TCOF1: variants seen among roughly 807,000 people sequenced by gnomAD.
The protein encoded by TCOF1 is treacle protein.
A neutral mutation model predicts 149.0 loss-of-function variants in TCOF1; 33 were observed. That is an observed-to-expected ratio of 0.22 (90% CI 0.17 to 0.30). The LOEUF (loss-of-function observed/expected upper bound fraction) is 0.30. Ranked by LOEUF, TCOF1 falls within the 10% of genes least tolerant of loss-of-function variation. TCOF1 has a pLI of 1.00. For missense variants in TCOF1, 1,728 were observed against 1,840.7 expected, an observed-to-expected ratio of 0.94 and a Z score of 1.12; for synonymous variants, 789 against 738.8, an observed-to-expected ratio of 1.07 and a Z score of -1.10.
chr5:150,369,375 A>C (rs1366998374), intron 5 of TCOF1, among the ~76,000 whole-genome samples, 154 bp from the exon 6 acceptor site: 1 of 152,166 alleles, frequency 6.6e-6, no homozygotes, highest in African/African-American at 2.4e-5. Flanking sequence ...CCCACCTCAG[A>C]AGGGGGCTTC....
chr5:150,387,842 C>T (rs565363131), intron 17 of TCOF1, 60 bp from the exon 18 acceptor site: 2 of 1,610,472 alleles, frequency 1.2e-6, no homozygotes, highest in African/African-American at 1.3e-5. Flanking sequence ...AACCCCATCA[C>T]CTCCTTTCCC....
At chr5:150,363,992 T>C in intron 2 of TCOF1, 121 bp from the exon 3 acceptor site, 3 of 1,446,722 alleles carry the variant, frequency 2.1e-6, no homozygotes, top group Middle Eastern at 4.3e-4. Context: ...TTTTCACCAC[T>C]GTTTAGATTC....
At chr5:150,391,215 AT>A in intron 19 of TCOF1, among the ~76,000 whole-genome samples, 1 of 152,158 alleles carries the variant, frequency 6.6e-6, no homozygotes, top group Non-Finnish European at 1.5e-5. Flanking sequence ...GTCATGCCCA[AT>A]TTCCATGCCC....
chr5:150,371,248 C>T (rs1250477396), intron 6 of TCOF1, among the ~76,000 whole-genome samples: 1 of 152,100 alleles, frequency 6.6e-6, no homozygotes, highest in Non-Finnish European at 1.5e-5. Flanking sequence ...CCCCATCTAC[C>T]CCAGGCCTTA....
chr5:150,384,688 G>T, intron 17 of TCOF1: 1 of 985,448 alleles, frequency 1.0e-6, no homozygotes, highest in Non-Finnish European at 1.2e-6. Context: ...TATTTAAAAA[G>T]CAGAAAAGAA....
intron 3 of TCOF1, among the ~76,000 whole-genome samples, chr5:150,365,671 T>G (rs559380253): frequency 3.3e-4 from 50 of 152,266 alleles, no homozygotes; most frequent in Non-Finnish European, 5.9e-4. Flanking sequence ...TTATAAGCTG[T>G]GATAATGGAG....
chr5:150,399,544 T>C (rs1224120360), intron 26 of TCOF1, among the ~76,000 whole-genome samples: 2 of 152,012 alleles, frequency 1.3e-5, no homozygotes, highest in Non-Finnish European at 2.9e-5. Context: ...AGTTAGCTGC[T>C]CCACCTGGCT....
At position 150,379,216 on chromosome 5, in the gene TCOF1, C is replaced by T; in HGVS notation, c.2479-13C>T. On this transcript the variant is annotated splice_polypyrimidine_tract_variant and intron_variant, in intron 15 of 26. Coordinates refer to ENST00000643257, the MANE Select transcript of TCOF1 (RefSeq NM_001371623.1). ...ACTTTTGCCTCCAATACTATTATCC[C>T]CCTGCAATTCAGGTGAAGCCACCAG... 2 of 1,614,190 alleles carry T rather than the reference C, an allele frequency of 1.2e-6. No homozygotes were observed. Among genetic ancestry groups the T allele is most frequent in the Non-Finnish European group, 1.7e-6 (2 of 1,180,032 alleles).
At chr5:150,395,541 T>G (rs999350785) in intron 23 of TCOF1, among the ~76,000 whole-genome samples, 6 of 151,792 alleles carry the variant, frequency 4.0e-5, no homozygotes, top group African/African-American at 1.2e-4. Flanking sequence ...TGGAAGGTTT[T>G]TTTTTTTTTA....
At chr5:150,375,964 G>A (rs1763696305) in intron 12 of TCOF1, 55 bp downstream of exon 12, 7 of 1,613,952 alleles carry the variant, frequency 4.3e-6, no homozygotes, top group Non-Finnish European at 5.9e-6. Flanking sequence ...ACCACAGTCA[G>A]CACCCCCGGG....
chr5:150,365,648 G>A (rs942485664), intron 3 of TCOF1, among the ~76,000 whole-genome samples: 2 of 151,920 alleles, frequency 1.3e-5, no homozygotes, highest in African/African-American at 2.4e-5. Context: ...TGGCTATTTG[G>A]TATTAATCAA....
chr5:150,375,419 A>G lies in TCOF1; in HGVS notation c.1569A>G (p.Pro523=), dbSNP rs1219790675. The G allele has an allele frequency of 1.1e-5, 17 of 1,613,402 alleles. No homozygotes were observed. Among genetic ancestry groups the G allele is most frequent in the Non-Finnish European group, 1.4e-5 (17 of 1,179,834 alleles). The change falls in exon 11 of 27, where the codon CCA becomes CCG. Residue 523 remains proline (P), a synonymous_variant. Transcript: ENST00000643257. ...GGCCCTTGGGGAAAGGCGCCGGCCC[A>G]GTGCCACCCGGGAAGGTGGGGCCTG... is the stretch of plus-strand genomic sequence containing the variant. ...GMGPLGKGAG[P]VPPGKVGPAT...
In TCOF1 at chr5:150,375,486, G is replaced by C. The variant is rs375311798; in HGVS notation, c.1636G>C (p.Glu546Gln). 4.3e-6 allele frequency: 7 copies of C among 1,614,068 alleles called. No homozygotes were observed. In the African/African-American group the frequency reaches 8.0e-5, roughly 18 times the overall value. The change falls in exon 11 of 27, where the codon GAG (glutamate) becomes CAG (glutamine). Residue 546 changes from glutamate (E) to glutamine (Q), a missense_variant. Physicochemically the swap from Glu to Gln is conservative, Grantham distance 29. Transcript: ENST00000643257. Reference protein sequence around the residue: ...AQVGKWEEDSESSSEESSDSS... With the variant: ...AQVGKWEEDSQSSSEESSDSS... ...GGTGGGGAAGTGGGAGGAGGACTCAGAGAGCAGTAGTGAGGAGTCATCAGA... is the reference window on the plus strand; with the variant it reads ...GGTGGGGAAGTGGGAGGAGGACTCACAGAGCAGTAGTGAGGAGTCATCAGA...
chr5:150,391,636 C>T lies in TCOF1; in HGVS notation c.3276C>T (p.Ala1092=). The T allele has an allele frequency of 6.2e-7, 1 of 1,614,036 alleles. No individual in the cohort carries two copies. Residue 1092 remains alanine, a synonymous_variant, in exon 20 of 27, where the codon GCC becomes GCT. Coordinates refer to ENST00000643257, the MANE Select transcript of TCOF1 (RefSeq NM_001371623.1). ...QKASEAQPPV[A]RTQPSSGVDS... ...CCAGTGAGGCTCAGCCTCCTGTTGC[C>T]AGGACCCAGCCTTCAAGTGGGGTGA... is the stretch of plus-strand genomic sequence containing the variant.
chr5:150,386,928 T>C (rs1341413023), intron 17 of TCOF1, among the ~76,000 whole-genome samples: 1 of 152,244 alleles, frequency 6.6e-6, no homozygotes, highest in Non-Finnish European at 1.5e-5. Flanking sequence ...TCTTTTATTG[T>C]TTCCTTGGAA....
chr5:150,378,988 C>G lies in TCOF1; in HGVS notation c.2424C>G (p.Ala808=). Residue 808 remains alanine, a synonymous_variant, in exon 15 of 27, where the codon GCC becomes GCG. Transcript: ENST00000643257. ...CTTCAGCAAAAGGGACAATTTCAGCCCCTGGAAAAGTTGTCACTGCAGCTG... is the reference window on the plus strand; with the variant it reads ...CTTCAGCAAAAGGGACAATTTCAGCGCCTGGAAAAGTTGTCACTGCAGCTG... The part of the protein sequence containing the change: ...RAPSAKGTIS[A]PGKVVTAAAQ... The G allele has an allele frequency of 6.2e-7, 1 of 1,614,078 alleles. No homozygotes were observed. The highest frequency in any genetic ancestry group is 1.3e-5 in the African/African-American group (1 of 75,012).
At position 150,375,756 on chromosome 5, in the gene TCOF1, C is replaced by T. The variant is rs2150724257; in HGVS notation, c.1740C>T (p.Pro580=). 1 of 1,614,278 alleles carries T rather than the reference C, an allele frequency of 6.2e-7. No individual in the cohort carries two copies. The highest frequency in any genetic ancestry group is 8.5e-7 in the Non-Finnish European group (1 of 1,180,056). ...KSLGNILQAK[P]TSSPAKGPPQ... ...TGGGGAACATCCTCCAGGCCAAACC[C>T]ACCTCCAGTCCTGCCAAGGGGCCCC... The change falls in exon 12 of 27, where the codon CCC becomes CCT. Residue 580 remains proline (P), a synonymous_variant. Transcript: ENST00000643257.
rs772895657 is a variant in TCOF1, at chr5:150,374,640, T to G, written c.1107T>G (p.Ser369=). Residue 369 remains serine, a synonymous_variant, in exon 9 of 27, where the codon TCT becomes TCG. Transcript: ENST00000643257. ...AGGCGAAGGCCTCAGGAAAAACCTC[T>G]CAGGTCGGAGCTGCCTCAGCCCCTG... is the stretch of plus-strand genomic sequence containing the variant. ...LLQAKASGKT[S]QVGAASAPAK... 27 of 1,602,720 alleles carry G rather than the reference T, an allele frequency of 1.7e-5. 1 individual carries two copies. The South Asian group carries it at 3.0e-4, about 18-fold the overall frequency.
chr5:150,359,836 A>G (rs1759619990), intron 1 of TCOF1, among the ~76,000 whole-genome samples: 1 of 152,226 alleles, frequency 6.6e-6, no homozygotes. Context: ...TGCTTGCTAT[A>G]AAAGGCAGGC....
Sources: allele counts gnomAD v4.1 joint callset (sites outside exome capture counted in the v4.1 genomes callset), GRCh38; gene constraint gnomAD v4.1.1; transcripts MANE v1.5; gene names NCBI Gene and HGNC (gene_info 2026-07-23, HGNC 2026-07-21).